The following SORCS3 variants were observed in gnomAD, a reference collection of about 807,000 sequenced individuals.
SORCS3 encodes VPS10 domain-containing receptor SorCS3.
A neutral mutation model predicts 146.3 loss-of-function variants in SORCS3; 57 were observed. That is an observed-to-expected ratio of 0.39 (90% CI 0.31 to 0.49). The LOEUF (loss-of-function observed/expected upper bound fraction) is 0.49, where lower values mean the gene tolerates loss of function less well. Among genes scored for constraint, SORCS3 ranks in the 20% least tolerant of loss-of-function variants. SORCS3 has a pLI of 0.92. For synonymous variants in SORCS3, 653 were observed against 618.5 expected (o/e 1.06, Z -0.83); for missense variants, 1,341 against 1,575.5 (o/e 0.85, Z 2.52).
intron 7 of SORCS3, among the ~76,000 whole-genome samples, chr10:105,123,352 G>T (rs187151560): frequency 2.6e-5 from 4 of 152,042 alleles, no homozygotes; most frequent in African/African-American, 9.6e-5. Flanking sequence ...ACATAGGAAA[G>T]GGATTGCTGT....
At chr10:104,724,071 C>T (rs1337438979) in intron 1 of SORCS3, among the ~76,000 whole-genome samples, 1 of 152,152 alleles carries the variant, frequency 6.6e-6, no homozygotes, top group East Asian at 1.9e-4. Flanking sequence ...TTCCTAGCCT[C>T]AATGGTCTTT....
intron 2 of SORCS3, among the ~76,000 whole-genome samples, chr10:104,884,595 T>C (rs1350936870): frequency 6.6e-6 from 1 of 152,138 alleles, no homozygotes; most frequent in African/African-American, 2.4e-5. Flanking sequence ...TTGTACTGTA[T>C]GGGAAGTGTG....
At chr10:105,253,006 A>C (rs1478790585) in intron 23 of SORCS3, 100 bp downstream of exon 23, 1 of 1,396,402 alleles carries the variant, frequency 7.2e-7, no homozygotes, top group African/African-American at 1.5e-5. Context: ...GCTCTCTTCC[A>C]TTACCCCAAC....
intron 2 of SORCS3, among the ~76,000 whole-genome samples, chr10:104,876,703 TTTCC>T (rs747594890): frequency 0.019 from 1,946 of 104,708 alleles, 44 homozygotes; most frequent in African/African-American, 0.043. Flanking sequence ...TGGTCCAGGT[TTTCC>T]TTCCTTCCTT....
At chr10:104,835,678 C>T (rs1369990221) in intron 1 of SORCS3, among the ~76,000 whole-genome samples, 1 of 152,178 alleles carries the variant, frequency 6.6e-6, no homozygotes, top group African/African-American at 2.4e-5. Context: ...GGTGAGAGAA[C>T]ACTGGCTCTG....
At chr10:104,940,238 A>ATATATATATATATATATATATATT (rs1435205868) in intron 3 of SORCS3, among the ~76,000 whole-genome samples, 6 of 31,512 alleles carry the variant, frequency 1.9e-4, no homozygotes, top group African/African-American at 2.2e-4. Flanking sequence ...ATATATATAT[A>ATATATATATATATATATATATATT]TTTTTTTTTT....
intron 2 of SORCS3, among the ~76,000 whole-genome samples, chr10:104,855,037 C>T (rs187738459): frequency 1.5e-4 from 23 of 152,258 alleles, no homozygotes; most frequent in East Asian, 9.6e-4. Flanking sequence ...TACAGGTTTT[C>T]GTGCAAACAT....
intron 1 of SORCS3, among the ~76,000 whole-genome samples, chr10:104,736,591 A>G (rs970889052): frequency 6.6e-6 from 1 of 152,176 alleles, no homozygotes; most frequent in Non-Finnish European, 1.5e-5. Flanking sequence ...CATCTATGGC[A>G]TTATAGTAAT....
At chr10:105,012,890 A>C (rs1564734678) in intron 4 of SORCS3, among the ~76,000 whole-genome samples, 1 of 151,878 alleles carries the variant, frequency 6.6e-6, no homozygotes, top group Non-Finnish European at 1.5e-5. Flanking sequence ...ACCTTTATTC[A>C]TGGTCATATC....
At chr10:104,926,947 G>A (rs535395180) in intron 3 of SORCS3, among the ~76,000 whole-genome samples, 9 of 152,198 alleles carry the variant, frequency 5.9e-5, no homozygotes, top group African/African-American at 9.6e-5. Flanking sequence ...CGAGTATATC[G>A]TAATTTTTTT....
chr10:104,766,227 C>A (rs1032615096), intron 1 of SORCS3, among the ~76,000 whole-genome samples: 6 of 152,106 alleles, frequency 3.9e-5, no homozygotes, highest in Admixed American at 3.9e-4. Context: ...CAGTGTGAGG[C>A]CATGGTCTGA....
chr10:104,859,064 G>A (rs994645402), intron 2 of SORCS3, among the ~76,000 whole-genome samples: 5 of 152,092 alleles, frequency 3.3e-5, no homozygotes, highest in Admixed American at 1.3e-4. Context: ...TGTGTGTGGT[G>A]TGTGTATGTT....
In SORCS3 at chr10:105,244,126, G is replaced by A. The variant is rs143938411; in HGVS notation, c.2869-1416G>A. Among the ~76,000 whole-genome samples the A allele has an allele frequency of 2.3e-3, 353 of 152,158 alleles. 3 individuals carry two copies. Among genetic ancestry groups the A allele is most frequent in the African/African-American group, 8.0e-3 (330 of 41,504 alleles). The stretch of plus-strand genomic sequence containing the variant: ...CCTTAGATCAGCCTCCAACTGTTAC[G>A]TCTTACTTTCCAAACAGTAGAGAAT... On this transcript the variant is annotated intron_variant, in intron 20 of 26. Coordinates refer to ENST00000369701, the MANE Select transcript of SORCS3 (RefSeq NM_014978.3).
chr10:104,859,413 T>C (rs1055737242), intron 2 of SORCS3, among the ~76,000 whole-genome samples: 2 of 152,068 alleles, frequency 1.3e-5, no homozygotes, highest in Non-Finnish European at 2.9e-5. Context: ...ATACAAAAAT[T>C]AATTCAAGAT....
At chr10:104,648,716 T>G (rs2015524991) in intron 1 of SORCS3, among the ~76,000 whole-genome samples, 1 of 152,276 alleles carries the variant, frequency 6.6e-6, no homozygotes. Flanking sequence ...TTTGCTCATT[T>G]ATTTTGATCA....
intron 5 of SORCS3, among the ~76,000 whole-genome samples, chr10:105,073,427 A>G (rs1728422): frequency 0.75 from 113,610 of 151,600 alleles, 42,735 homozygotes; most frequent in East Asian, 0.83. Flanking sequence ...CACGTAGAGG[A>G]TCTAACTGAT....
intron 2 of SORCS3, among the ~76,000 whole-genome samples, chr10:104,875,698 G>A (rs556437197): frequency 5.3e-5 from 8 of 152,210 alleles, no homozygotes; most frequent in Admixed American, 3.3e-4. Flanking sequence ...AGTTATTGCC[G>A]CTGGCCTGCC....
chr10:105,245,660 T>C lies in SORCS3; in HGVS notation c.2987T>C (p.Val996Ala). 2 of 1,613,980 alleles carry C rather than the reference T, an allele frequency of 1.2e-6. No homozygotes were observed. The highest frequency in any genetic ancestry group is 1.7e-6 in the Non-Finnish European group (2 of 1,179,960). ...ATCCAGGACACAAAAGAGATTGCAG[T>C]TCATGGTAAGCCCTGAAAATTGTTC... ...ALIQDTKEIA[V>A]HEYFQSQLLS... The change falls in exon 21 of 27, where the codon GTT (valine) becomes GCT (alanine). Residue 996 changes from valine to alanine, a missense_variant. Val to Ala is a moderately conservative substitution (Grantham distance 64, BLOSUM62 0). Transcript: ENST00000369701.
intron 8 of SORCS3, among the ~76,000 whole-genome samples, chr10:105,142,606 G>C (rs899485289): frequency 1.3e-5 from 2 of 152,106 alleles, no homozygotes; most frequent in Non-Finnish European, 2.9e-5. Flanking sequence ...CCCCTTAACA[G>C]CCCTTCTGAG....
Sources: allele counts gnomAD v4.1 joint callset (sites outside exome capture counted in the v4.1 genomes callset), GRCh38; gene constraint gnomAD v4.1.1; transcripts MANE v1.5; gene names NCBI Gene and HGNC (gene_info 2026-07-23, HGNC 2026-07-21).